ANKFN1: variants seen among roughly 807,000 people sequenced by gnomAD.
The protein encoded by ANKFN1 is ankyrin repeat and fibronectin type-III domain-containing protein 1.
A neutral mutation model predicts 108.7 loss-of-function variants in ANKFN1; 74 were observed. That is an observed-to-expected ratio of 0.68 (90% CI 0.56 to 0.83). The LOEUF (loss-of-function observed/expected upper bound fraction) is 0.83. Ranked by LOEUF, ANKFN1 falls within the 40% of genes least tolerant of loss-of-function variation. The probability of loss-of-function intolerance (pLI) is 0.00; values close to 1 mark genes in which losing one functional copy is unlikely to be tolerated. For missense variants in ANKFN1, 1,505 were observed against 1,382.3 expected (o/e 1.09, Z -1.41); for synonymous variants, 547 against 516.2 (o/e 1.06, Z -0.81).
Position 56,130,920 on chromosome 17 carries a change from G to C in ANKFN1, c.288+84595G>C, listed in dbSNP as rs184862271. 4.0e-5 allele frequency among the ~76,000 whole-genome samples: 6 copies of C among 148,572 alleles called. No individual in the cohort carries two copies. The East Asian group carries it at 1.2e-3, about 30-fold the overall frequency. On this transcript the variant is annotated intron_variant, in intron 4 of 12. Coordinates refer to the ANKFN1 transcript ENST00000635860. Reference sequence around the variant, plus strand: ...GGCTGGCTGATCTGGGTGTTTGTCAGGCTTCTAACTTGAGTTTTTTTTTTT... The same window carrying C: ...GGCTGGCTGATCTGGGTGTTTGTCACGCTTCTAACTTGAGTTTTTTTTTTT...
intron 4 of ANKFN1, among the ~76,000 whole-genome samples, chr17:56,067,393 G>A (rs1429883017): frequency 1.3e-5 from 2 of 152,052 alleles, no homozygotes; most frequent in African/African-American, 2.4e-5. Context: ...GAACAGTGCT[G>A]CTCTGAACTT....
chr17:56,378,065 G>T (rs771557995), intron 8 of ANKFN1, among the ~76,000 whole-genome samples: 4 of 152,120 alleles, frequency 2.6e-5, no homozygotes, highest in Non-Finnish European at 5.9e-5. Flanking sequence ...TTAACTGCTC[G>T]TCATTTGATG....
chr17:56,069,925 G>A (rs1905100478), intron 4 of ANKFN1, among the ~76,000 whole-genome samples: 1 of 152,130 alleles, frequency 6.6e-6, no homozygotes. Flanking sequence ...CCCCTTTTGA[G>A]ACCATATAGG....
rs541518184 is a variant in ANKFN1 at position 56,207,876 on chromosome 17, A to G, written c.-70-4722A>G. Among the ~76,000 whole-genome samples the G allele has an allele frequency of 2.0e-5, 3 of 152,248 alleles. No homozygotes were observed. The East Asian group carries it at 5.8e-4, about 30-fold the overall frequency. ...AGCCAGTAACTTCAGAAGCTGCCAA[A>G]ATATCCATAGTTTAAGCAAATCTTG... On this transcript the variant is annotated intron_variant, in intron 1 of 20. Coordinates refer to ENST00000682825, the MANE Select transcript of ANKFN1 (RefSeq NM_001370326.1).
intron 3 of ANKFN1, among the ~76,000 whole-genome samples, chr17:56,309,787 A>G (rs2044955732): frequency 6.6e-6 from 1 of 152,248 alleles, no homozygotes; most frequent in African/African-American, 2.4e-5. Context: ...TAATAATAAA[A>G]TAGAATACTT....
intron 1 of ANKFN1, among the ~76,000 whole-genome samples, chr17:56,193,603 A>G (rs1303929136): frequency 2.0e-5 from 3 of 151,992 alleles, no homozygotes; most frequent in Non-Finnish European, 4.4e-5. Flanking sequence ...AAGAATCTAG[A>G]CACAGACCTT....
intron 4 of ANKFN1, among the ~76,000 whole-genome samples, chr17:56,052,396 G>T (rs937439455): frequency 5.3e-5 from 8 of 152,142 alleles, no homozygotes; most frequent in Non-Finnish European, 4.4e-5. Context: ...GGAAGCCTAG[G>T]ATGGACAGAC....
chr17:56,298,636 G>T, intron 3 of ANKFN1, among the ~76,000 whole-genome samples: 1 of 151,450 alleles, frequency 6.6e-6, no homozygotes, highest in Non-Finnish European at 1.5e-5. Flanking sequence ...TTGTTTGTCA[G>T]AAACAAGCAA....
chr17:56,510,421 C>T, intron 20 of ANKFN1, 52 bp from the exon 21 acceptor site: 1 of 1,451,940 alleles, frequency 6.9e-7, no homozygotes. Flanking sequence ...GCCTGTGAAG[C>T]AGGCTCTAGC....
chr17:56,208,668 C>A (rs1422689355), intron 1 of ANKFN1, among the ~76,000 whole-genome samples: 1 of 152,150 alleles, frequency 6.6e-6, no homozygotes, highest in Non-Finnish European at 1.5e-5. Flanking sequence ...TGAAAAATTT[C>A]ACTCTGATCT....
chr17:56,102,543 T>A (rs1197103158), intron 4 of ANKFN1, among the ~76,000 whole-genome samples: 2 of 152,214 alleles, frequency 1.3e-5, no homozygotes, highest in South Asian at 2.1e-4. Flanking sequence ...TCCCTGACAG[T>A]GTCATATGAA....
intron 4 of ANKFN1, among the ~76,000 whole-genome samples, chr17:56,331,851 A>G (rs1376722355): frequency 6.6e-6 from 1 of 152,188 alleles, no homozygotes; most frequent in Non-Finnish European, 1.5e-5. Flanking sequence ...TCAGGGCATC[A>G]AGAGTGAAGA....
intron 1 of ANKFN1, among the ~76,000 whole-genome samples, chr17:56,170,044 CA>C (rs1294927881): frequency 6.6e-6 from 1 of 152,158 alleles, no homozygotes; most frequent in Non-Finnish European, 1.5e-5. Context: ...AAAGACCTTG[CA>C]AGCCCCCATC....
intron 19 of ANKFN1, among the ~76,000 whole-genome samples, chr17:56,496,850 C>G (rs375414521): frequency 6.6e-6 from 1 of 152,062 alleles, no homozygotes; most frequent in South Asian, 2.1e-4. Flanking sequence ...CTACAGTAAT[C>G]ATGATTGTCA....
At chr17:56,441,034 AG>A (rs1174142354) in intron 9 of ANKFN1, among the ~76,000 whole-genome samples, 2 of 152,202 alleles carry the variant, frequency 1.3e-5, no homozygotes, top group Admixed American at 6.5e-5. Context: ...TAAACTCAAA[AG>A]TTAATTATTT....
chr17:56,300,256 G>A (rs1284634090), intron 3 of ANKFN1, among the ~76,000 whole-genome samples: 1 of 152,170 alleles, frequency 6.6e-6, no homozygotes, highest in Non-Finnish European at 1.5e-5. Context: ...GCACATTTCA[G>A]TTACAGAGGT....
At chr17:56,129,478 A>C (rs2332596) in intron 4 of ANKFN1, among the ~76,000 whole-genome samples, 52,375 of 150,198 alleles carry the variant, frequency 0.35, 9,564 homozygotes, top group East Asian at 0.53. Flanking sequence ...TTCTTAGCAA[A>C]CCACTCCATA....
chr17:56,124,114 G>A (rs771058704), intron 4 of ANKFN1, among the ~76,000 whole-genome samples: 4 of 152,108 alleles, frequency 2.6e-5, no homozygotes, highest in African/African-American at 9.7e-5. Flanking sequence ...CTGGGGTGTC[G>A]AGTTAAAATT....
At chr17:56,302,532 A>AAG (rs1555625444) in intron 3 of ANKFN1, among the ~76,000 whole-genome samples, 5,652 of 141,574 alleles carry the variant, frequency 0.04, 137 homozygotes, top group African/African-American at 0.068. Flanking sequence ...AAAAAAAAAA[A>AAG]AGAGAGAGAG....
Sources: gnomAD v4.1 joint callset for allele counts (sites outside exome capture counted in the v4.1 genomes callset) on GRCh38, gnomAD v4.1.1 for gene constraint, MANE v1.5 for transcripts, NCBI Gene and HGNC (gene_info 2026-07-23, HGNC 2026-07-21) for gene names.